Variants in UBE2D4 observed in about 807,000 individuals in gnomAD.
The protein encoded by UBE2D4 is ubiquitin conjugating enzyme E2 D4.
In UBE2D4, 17 loss-of-function variants were observed where a neutral mutation model predicts 23.0. The ratio of observed to expected loss-of-function variants is 0.74; its 90% CI spans 0.51 to 1.11. The LOEUF is 1.11. Among genes scored for constraint, UBE2D4 ranks in the 50% least tolerant of loss-of-function variants. The probability of loss-of-function intolerance (pLI) is 0.00; values close to 1 mark genes in which losing one functional copy is unlikely to be tolerated. For missense variants in UBE2D4, 139 were observed against 181.8 expected (o/e 0.76, Z 1.35); for synonymous variants, 61 against 69.4 (o/e 0.88, Z 0.60).
In UBE2D4 at chr7:43,950,822, G is replaced by A. The variant is rs1222315080; in HGVS notation, c.398+130G>A. The A allele has an allele frequency of 4.1e-6, 3 of 727,914 alleles. No individual in the cohort carries two copies. In the African/African-American group the frequency reaches 5.2e-5, roughly 13 times the overall value. 45.1% of individuals were successfully genotyped at this position (727,914 alleles called of 1,614,324 possible). On this transcript the variant is annotated intron_variant, in intron 6 of 6. Coordinates refer to ENST00000222402, the MANE Select transcript of UBE2D4 (RefSeq NM_015983.4). ...CATCTTCCTGCCCATGCTGAGCCATGTGCACAGAGGGTGTGCCCTGGGCTT... is the reference window on the plus strand; with the variant it reads ...CATCTTCCTGCCCATGCTGAGCCATATGCACAGAGGGTGTGCCCTGGGCTT...
At chr7:43,939,829 G>A (rs1226658546) in intron 2 of UBE2D4, among the ~76,000 whole-genome samples, 3 of 152,100 alleles carry the variant, frequency 2.0e-5, no homozygotes, top group African/African-American at 7.2e-5. Context: ...AGAGACAGAC[G>A]GTAGATGAGA....
In UBE2D4 at chr7:43,954,022, G is replaced by T. The variant is rs181120049; in HGVS notation, c.*1327G>T. On this transcript the variant is annotated 3_prime_UTR_variant, in exon 7 of 7. Transcript: ENST00000222402. Reference sequence around the variant, plus strand: ...AAGCAGTCAGCCAAAGGTGGCTGTGGGAGGTTGATTTCTTCCAGAAACTTC... The same window carrying T: ...AAGCAGTCAGCCAAAGGTGGCTGTGTGAGGTTGATTTCTTCCAGAAACTTC... 5 of 152,298 alleles carry T rather than the reference G, an allele frequency of 3.3e-5. No individual in the cohort carries two copies. In the East Asian group the frequency reaches 9.6e-4, roughly 29 times the overall value. 9.4% of individuals were successfully genotyped at this position (152,298 alleles called of 1,614,324 possible).
intron 4 of UBE2D4, 125 bp downstream of exon 4, chr7:43,943,156 C>A: frequency 1.1e-6 from 1 of 920,738 alleles, no homozygotes; most frequent in Non-Finnish European, 1.8e-6. Context: ...CACTGCTCCA[C>A]CCTGTGGTGA....
At chr7:43,926,612 C>T in intron 1 of UBE2D4, 56 bp downstream of exon 1, 4 of 1,511,598 alleles carry the variant, frequency 2.6e-6, no homozygotes, top group Non-Finnish European at 2.7e-6. Context: ...GAGGTGTGGG[C>T]GGGGCGCCGC....
At chr7:43,942,305 G>C in intron 2 of UBE2D4, 1 of 172,734 alleles carries the variant, frequency 5.8e-6, no homozygotes, top group Admixed American at 5.5e-5. Context: ...GGCAGAGTGA[G>C]ACCATCTCAA....
chr7:43,948,897 C>A, intron 5 of UBE2D4, 160 bp downstream of exon 5: 2 of 591,724 alleles, frequency 3.4e-6, no homozygotes, highest in Non-Finnish European at 6.1e-6. Context: ...TACACGCCTA[C>A]GAGGCAGCAC....
rs1020189770 is a variant in UBE2D4 at position 43,954,153 on chromosome 7, C to G, written c.*1458C>G. The G allele has an allele frequency of 1.3e-5, 2 of 151,586 alleles. No individual in the cohort carries two copies. The highest frequency in any genetic ancestry group is 4.8e-5 in the African/African-American group (2 of 41,286). The allele number at this position is 151,586 out of a possible 1,614,324, so 9.4% of individuals were successfully genotyped here. ...AAGGAAGAAGCACTTTTAACTTGGGCTGCATTCCCTTTGTGAGGGTCCACA... is the reference window on the plus strand; with the variant it reads ...AAGGAAGAAGCACTTTTAACTTGGGGTGCATTCCCTTTGTGAGGGTCCACA... On this transcript the variant is annotated 3_prime_UTR_variant, in exon 7 of 7. Transcript: ENST00000222402.
Position 43,953,336 on chromosome 7 carries a change from A to C in UBE2D4, c.*641A>C. The C allele has an allele frequency of 2.5e-6, 1 of 395,778 alleles. No individual in the cohort carries two copies. The highest frequency in any genetic ancestry group is 5.0e-6 in the Non-Finnish European group (1 of 201,278). The allele number at this position is 395,778 out of a possible 1,614,324, so 24.5% of individuals were successfully genotyped here. A position where few individuals can be genotyped will look rare whatever the true frequency, so the allele number is the denominator to read the frequency against. Reference sequence around the variant, plus strand: ...GCAAGTGGAAAATTTCAGGATACAAAGCACATAACACCCCATAAGAGATGA... The same window carrying C: ...GCAAGTGGAAAATTTCAGGATACAACGCACATAACACCCCATAAGAGATGA... On this transcript the variant is annotated 3_prime_UTR_variant, in exon 7 of 7. Coordinates refer to ENST00000222402, the MANE Select transcript of UBE2D4 (RefSeq NM_015983.4).
At position 43,950,601 on chromosome 7, in the gene UBE2D4, C is replaced by G. The variant is rs369969040; in HGVS notation, c.307C>G (p.Leu103Val). 8.4e-5 allele frequency: 135 copies of G among 1,614,000 alleles called. 1 individual carries two copies. Among genetic ancestry groups the G allele is most frequent in the Non-Finnish European group, 1.0e-4 (123 of 1,179,946 alleles). ...CCAACCTTTTCTTTTCTTCCCAGTTCTCTTGTCCATCTGCTCGCTGCTCTG... is the reference window on the plus strand; with the variant it reads ...CCAACCTTTTCTTTTCTTCCCAGTTGTCTTGTCCATCTGCTCGCTGCTCTG... The part of the protein sequence containing the change: ...WSPALTVSKV[L>V]LSICSLLCDP... Residue 103 changes from leucine to valine, a missense_variant and splice_region_variant, in exon 6 of 7, where the codon CTC becomes GTC. Transcript: ENST00000222402.
At chr7:43,947,435 G>A (rs2095990545) in intron 4 of UBE2D4, among the ~76,000 whole-genome samples, 1 of 152,140 alleles carries the variant, frequency 6.6e-6, no homozygotes, top group Admixed American at 6.5e-5. Context: ...CTGGCCCAGT[G>A]TTTGGTTTTC....
In UBE2D4 at chr7:43,950,670, A is replaced by G; in HGVS notation, c.376A>G (p.Thr126Ala). The G allele has an allele frequency of 3.7e-6, 6 of 1,614,158 alleles. No homozygotes were observed. Among genetic ancestry groups the G allele is most frequent in the Non-Finnish European group, 5.1e-6 (6 of 1,180,012 alleles). ...DDPLVPEIAH[T>A]YKADREKYNR... ...CCCCCTGGTGCCAGAGATAGCACAC[A>G]CCTACAAGGCCGACAGAGAGAAGTA... Residue 126 changes from threonine to alanine, a missense_variant, in exon 6 of 7, where the codon ACC becomes GCC. Coordinates refer to ENST00000222402, the MANE Select transcript of UBE2D4 (RefSeq NM_015983.4).
chr7:43,926,687 A>G (rs1009969385), intron 1 of UBE2D4, 131 bp downstream of exon 1: 5 of 956,408 alleles, frequency 5.2e-6, no homozygotes, highest in South Asian at 2.2e-5. Flanking sequence ...GGAAGGAGGC[A>G]GAACAGCCTC....
rs1431663952 is a variant in UBE2D4 at position 43,938,514 on chromosome 7, T to A, written c.88+20T>A. On this transcript the variant is annotated intron_variant, in intron 2 of 6. Coordinates refer to ENST00000222402, the MANE Select transcript of UBE2D4 (RefSeq NM_015983.4). ...ATGACTGTAAGTATTTTGGGGGGCT[T>A]CAAGTTGTAGGAGCATTTTAATTAA... The A allele has an allele frequency of 6.2e-7, 1 of 1,613,204 alleles. No homozygotes were observed. The highest frequency in any genetic ancestry group is 2.2e-5 in the East Asian group (1 of 44,858).
chr7:43,946,911 G>C (rs2095988709), intron 4 of UBE2D4, among the ~76,000 whole-genome samples: 1 of 151,936 alleles, frequency 6.6e-6, no homozygotes, highest in Non-Finnish European at 1.5e-5. Flanking sequence ...TTAAGTTCTA[G>C]GGTACATGTG....
At chr7:43,943,088 G>C in intron 4 of UBE2D4, 57 bp downstream of exon 4, 1 of 1,564,508 alleles carries the variant, frequency 6.4e-7, no homozygotes. Flanking sequence ...ATGTGACAAG[G>C]GGCCCTTCAA....
intron 2 of UBE2D4, among the ~76,000 whole-genome samples, chr7:43,940,512 G>A (rs886250059): frequency 6.6e-6 from 1 of 152,190 alleles, no homozygotes; most frequent in African/African-American, 2.4e-5. Flanking sequence ...CCAGTGCTAA[G>A]AGAGGCTAGC....
intron 1 of UBE2D4, among the ~76,000 whole-genome samples, chr7:43,928,510 C>A (rs2095938383): frequency 1.3e-5 from 2 of 151,592 alleles, no homozygotes; most frequent in South Asian, 4.2e-4. Flanking sequence ...CATCCTAGGA[C>A]TTTGAAGCAG....
chr7:43,948,338 C>T (rs529329338), intron 4 of UBE2D4, among the ~76,000 whole-genome samples: 4 of 152,312 alleles, frequency 2.6e-5, no homozygotes, highest in African/African-American at 9.6e-5. Context: ...GCTTTTGAGT[C>T]CTTTCCACCA....
At chr7:43,945,002 T>C (rs2095982386) in intron 4 of UBE2D4, 1 of 152,144 alleles carries the variant, frequency 6.6e-6, no homozygotes, top group African/African-American at 2.4e-5. Flanking sequence ...ATTATTATTA[T>C]TATTTTTGAG....
Sources: allele counts gnomAD v4.1 joint callset (sites outside exome capture counted in the v4.1 genomes callset), GRCh38; gene constraint gnomAD v4.1.1; transcripts MANE v1.5; gene names NCBI Gene and HGNC (gene_info 2026-07-23, HGNC 2026-07-21).